MDGA2: variants seen among roughly 807,000 people sequenced by gnomAD.
MDGA2 encodes MAM domain-containing glycosylphosphatidylinositol anchor protein 2.
MDGA2 carries 40 observed loss-of-function variants against 117.8 expected under a neutral mutation model. The observed-to-expected ratio is 0.34, with a 90% confidence interval of 0.26 to 0.44. The LOEUF is 0.44. Ranked by LOEUF, MDGA2 falls within the 20% of genes least tolerant of loss-of-function variation. The pLI is 1.00. For synonymous variants in MDGA2, 452 were observed against 439.0 expected (o/e 1.03, Z -0.37); for missense variants, 1,123 against 1,250.6 (o/e 0.90, Z 1.54).
intron 7 of MDGA2, among the ~76,000 whole-genome samples, chr14:47,053,754 C>CAAGAGAAACAT (rs1449607136): frequency 6.6e-6 from 1 of 150,726 alleles, no homozygotes; most frequent in Non-Finnish European, 1.5e-5. Flanking sequence ...CCTATGTATA[C>CAAGAGAAACAT]AAGAGAAACA....
chr14:47,229,175 C>T (rs529488451), intron 2 of MDGA2, among the ~76,000 whole-genome samples: 54 of 152,052 alleles, frequency 3.6e-4, no homozygotes, highest in Non-Finnish European at 5.7e-4. Context: ...TATAGTATAC[C>T]GCATAAGCAG....
chr14:47,203,933 C>G (rs1216682863), intron 3 of MDGA2, among the ~76,000 whole-genome samples: 1 of 151,846 alleles, frequency 6.6e-6, no homozygotes, highest in African/African-American at 2.4e-5. Context: ...TCTTTGGGGT[C>G]TTTAGGCAAG....
At chr14:47,111,627 C>T (rs1594633728) in intron 5 of MDGA2, among the ~76,000 whole-genome samples, 1 of 152,190 alleles carries the variant, frequency 6.6e-6, no homozygotes, top group African/African-American at 2.4e-5. Context: ...CTCACACATA[C>T]AAAACTTTTT....
At chr14:46,979,067 T>C (rs1488842422) in intron 8 of MDGA2, among the ~76,000 whole-genome samples, 1 of 152,192 alleles carries the variant, frequency 6.6e-6, no homozygotes, top group Non-Finnish European at 1.5e-5. Flanking sequence ...TCCAACAGCA[T>C]AGTACTCACT....
chr14:47,424,393 AC>A (rs1892642671), intron 1 of MDGA2, among the ~76,000 whole-genome samples: 1 of 149,290 alleles, frequency 6.7e-6, no homozygotes, highest in South Asian at 2.2e-4. Context: ...ACTGCCCTAA[AC>A]CTGGGTGAGA....
At chr14:46,962,398 C>T (rs763953727) in intron 8 of MDGA2, among the ~76,000 whole-genome samples, 3 of 152,062 alleles carry the variant, frequency 2.0e-5, no homozygotes, top group Non-Finnish European at 4.4e-5. Context: ...CCTTTGAGAT[C>T]CAACTTCTTG....
intron 3 of MDGA2, among the ~76,000 whole-genome samples, chr14:47,208,434 G>A (rs758459148): frequency 2.6e-5 from 4 of 151,492 alleles, no homozygotes; most frequent in Admixed American, 6.6e-5. Flanking sequence ...TTTAAAATAC[G>A]TGGGAAAAAA....
rs545654384 is a variant in MDGA2 at position 47,434,238 on chromosome 14, A to G, written c.281-132688T>C. ...TACTTCCAATTTTGACAAAAATTCA[A>G]CTATTTCAATAATACTCAGATACAG... On this transcript the variant is annotated intron_variant, in intron 1 of 16. Transcript: ENST00000399232. Among the ~76,000 whole-genome samples the G allele has an allele frequency of 2.0e-5, 3 of 152,222 alleles. No homozygotes were observed. The South Asian group carries it at 6.2e-4, about 32-fold the overall frequency.
intron 8 of MDGA2, among the ~76,000 whole-genome samples, chr14:47,015,639 T>G (rs1888057732): frequency 6.6e-6 from 1 of 151,960 alleles, no homozygotes; most frequent in African/African-American, 2.4e-5. Context: ...TTGCAATTCA[T>G]TCATAAGAGG....
intron 1 of MDGA2, among the ~76,000 whole-genome samples, chr14:47,466,240 C>A (rs1445965699): frequency 6.6e-6 from 1 of 151,560 alleles, no homozygotes; most frequent in Non-Finnish European, 1.5e-5. Flanking sequence ...TCCTGGGTGG[C>A]AAAATAATCT....
intron 14 of MDGA2, among the ~76,000 whole-genome samples, chr14:46,856,693 A>G (rs1881280548): frequency 6.6e-6 from 1 of 152,076 alleles, no homozygotes; most frequent in African/African-American, 2.4e-5. Flanking sequence ...TTATACTTAA[A>G]TATACCATCC....
chr14:47,048,414 T>C (rs951261934), intron 7 of MDGA2, among the ~76,000 whole-genome samples: 1 of 152,094 alleles, frequency 6.6e-6, no homozygotes, highest in African/African-American at 2.4e-5. Flanking sequence ...CTCACAGTGG[T>C]AAAATCCTCA....
At chr14:47,042,251 AG>A (rs1268966485) in intron 7 of MDGA2, among the ~76,000 whole-genome samples, 22 of 152,220 alleles carry the variant, frequency 1.4e-4, no homozygotes, top group Middle Eastern at 3.4e-3. Flanking sequence ...AATGTAAAAA[AG>A]TAGGACTAAA....
intron 1 of MDGA2, among the ~76,000 whole-genome samples, chr14:47,491,510 T>A (rs1426850450): frequency 6.6e-6 from 1 of 152,106 alleles, no homozygotes; most frequent in Non-Finnish European, 1.5e-5. Flanking sequence ...TAGTACTTTA[T>A]CTCCCAGAAT....
At chr14:47,342,912 A>G (rs1233684194) in intron 1 of MDGA2, 2 of 464,782 alleles carry the variant, frequency 4.3e-6, no homozygotes, top group Non-Finnish European at 8.1e-6. Context: ...AACTCATTTC[A>G]TACTTGGGAT....
intron 1 of MDGA2, among the ~76,000 whole-genome samples, chr14:47,400,472 G>T (rs922735700): frequency 6.6e-6 from 1 of 151,844 alleles, no homozygotes; most frequent in Non-Finnish European, 1.5e-5. Context: ...AGTTACATTT[G>T]TTTAGTGAAT....
chr14:46,944,590 A>T (rs1166031546), intron 9 of MDGA2, among the ~76,000 whole-genome samples: 2 of 151,840 alleles, frequency 1.3e-5, no homozygotes, highest in African/African-American at 4.8e-5. Flanking sequence ...ACTATTTTAT[A>T]TTGTGCCCCA....
chr14:47,040,139 A>G (rs1389043912), intron 7 of MDGA2, among the ~76,000 whole-genome samples: 1 of 152,172 alleles, frequency 6.6e-6, no homozygotes, highest in African/African-American at 2.4e-5. Context: ...CTAGCATACC[A>G]TCTCTCACAT....
rs1406874732 is a variant in MDGA2 at position 47,061,463 on chromosome 14, C to T, written c.1311G>A (p.Glu437=). ...CATTTTTAAACCAACTAAATGTTAG[C>T]TCCTCAGAAGGAACAGCTTCTACTT... ...SCQVEAVPSE[E]LTFSWFKNGR... Residue 437 remains glutamate (E), a synonymous_variant, in exon 7 of 17, where the codon GAG becomes GAA. Coordinates refer to ENST00000399232, the MANE Select transcript of MDGA2 (RefSeq NM_001113498.3). 2 of 1,613,436 alleles carry T rather than the reference C, an allele frequency of 1.2e-6. No homozygotes were observed. The highest frequency in any genetic ancestry group is 1.3e-5 in the African/African-American group (1 of 74,906).
Sources: gnomAD v4.1 joint callset for allele counts (sites outside exome capture counted in the v4.1 genomes callset) on GRCh38, gnomAD v4.1.1 for gene constraint, MANE v1.5 for transcripts, NCBI Gene and HGNC (gene_info 2026-07-23, HGNC 2026-07-21) for gene names.